SGCZ: variants seen among roughly 807,000 people sequenced by gnomAD.
SGCZ encodes the protein sarcoglycan zeta.
Under a neutral mutation model 41.3 loss-of-function variants are expected in SGCZ, and 40 were observed. The ratio of observed to expected loss-of-function variants is 0.97; its 90% CI spans 0.75 to 1.26. The LOEUF is 1.26. Among genes scored for constraint, SGCZ ranks in the 50% most tolerant of loss-of-function variants. The probability of loss-of-function intolerance (pLI) is 0.00; values close to 1 mark genes in which losing one functional copy is unlikely to be tolerated. For missense variants in SGCZ, 552 were observed against 369.8 expected (o/e 1.49, Z -4.04); for synonymous variants, 206 against 137.5 (o/e 1.50, Z -3.49).
chr8:15,015,844 T>G (rs1325232560), intron 1 of SGCZ, among the ~76,000 whole-genome samples: 1 of 151,196 alleles, frequency 6.6e-6, no homozygotes, highest in Non-Finnish European at 1.5e-5. Context: ...TTTATTAAAA[T>G]TCTTACTTGC....
chr8:14,778,440 T>C (rs1021009622), intron 1 of SGCZ, among the ~76,000 whole-genome samples: 1 of 152,154 alleles, frequency 6.6e-6, no homozygotes, highest in Non-Finnish European at 1.5e-5. Context: ...AAACAGTCCA[T>C]AGTTTTCATC....
intron 1 of SGCZ, among the ~76,000 whole-genome samples, chr8:14,961,404 C>T (rs1435223085): frequency 6.6e-6 from 1 of 152,060 alleles, no homozygotes; most frequent in Non-Finnish European, 1.5e-5. Context: ...ATGTGTATTA[C>T]AGTAGATTCT....
At chr8:15,166,547 C>A (rs1346063685) in intron 1 of SGCZ, among the ~76,000 whole-genome samples, 1 of 152,018 alleles carries the variant, frequency 6.6e-6, no homozygotes, top group Non-Finnish European at 1.5e-5. Flanking sequence ...CACGCCTGGC[C>A]GATGCACAAC....
chr8:14,466,463 T>A (rs534646522), intron 2 of SGCZ, among the ~76,000 whole-genome samples: 1 of 151,992 alleles, frequency 6.6e-6, no homozygotes, highest in African/African-American at 2.4e-5. Context: ...TCTTTTAGTT[T>A]ATTATACTTG....
chr8:14,899,807 A>G (rs1009341335), intron 1 of SGCZ, among the ~76,000 whole-genome samples: 1 of 151,950 alleles, frequency 6.6e-6, no homozygotes, highest in African/African-American at 2.4e-5. Flanking sequence ...GAAGGGAGAA[A>G]AGTGAAAAGA....
At chr8:15,015,913 T>C (rs1803015124) in intron 1 of SGCZ, among the ~76,000 whole-genome samples, 1 of 151,950 alleles carries the variant, frequency 6.6e-6, no homozygotes, top group Non-Finnish European at 1.5e-5. Flanking sequence ...TGCTTCCATA[T>C]CTCCTTTTTC....
intron 2 of SGCZ, among the ~76,000 whole-genome samples, chr8:14,354,680 C>T (rs1388099278): frequency 6.6e-6 from 1 of 151,658 alleles, no homozygotes; most frequent in African/African-American, 2.4e-5. Context: ...TACACACACA[C>T]ACTCAGAGAC....
At chr8:14,341,107 T>C (rs1285747771) in intron 2 of SGCZ, among the ~76,000 whole-genome samples, 1 of 152,210 alleles carries the variant, frequency 6.6e-6, no homozygotes, top group Non-Finnish European at 1.5e-5. Flanking sequence ...TGTCAAAATT[T>C]CCTTCCTTTT....
At chr8:15,090,927 G>A (rs1455556534) in intron 1 of SGCZ, among the ~76,000 whole-genome samples, 1 of 152,150 alleles carries the variant, frequency 6.6e-6, no homozygotes, top group African/African-American at 2.4e-5. Context: ...TTTATTGAGG[G>A]TGACAAGTGA....
At chr8:15,023,696 C>T (rs1045788082) in intron 1 of SGCZ, among the ~76,000 whole-genome samples, 1 of 152,060 alleles carries the variant, frequency 6.6e-6, no homozygotes, top group African/African-American at 2.4e-5. Context: ...AAAGTTATCC[C>T]ATGCCATGGA....
At chr8:14,100,995 G>A (rs905900220) in intron 7 of SGCZ, among the ~76,000 whole-genome samples, 1 of 152,116 alleles carries the variant, frequency 6.6e-6, no homozygotes, top group South Asian at 2.1e-4. Flanking sequence ...GATTTACACT[G>A]TCAAGAACTT....
intron 5 of SGCZ, among the ~76,000 whole-genome samples, chr8:14,113,808 T>C (rs1802443723): frequency 1.3e-5 from 2 of 152,022 alleles, no homozygotes; most frequent in Non-Finnish European, 2.9e-5. Context: ...CAAGCCCAGA[T>C]TTCTTAGGAT....
intron 1 of SGCZ, among the ~76,000 whole-genome samples, chr8:15,054,771 G>A (rs1230772725): frequency 5.3e-5 from 8 of 151,648 alleles, no homozygotes; most frequent in African/African-American, 1.5e-4. Flanking sequence ...TGGCTAACAC[G>A]GTGAAACCCC....
chr8:14,825,159 G>A (rs983290887), intron 1 of SGCZ, among the ~76,000 whole-genome samples: 33 of 152,086 alleles, frequency 2.2e-4, no homozygotes, highest in Admixed American at 1.9e-3. Context: ...TTCATGGAGC[G>A]CTGTGAATTA....
rs193235770 is a variant in SGCZ, at chr8:14,960,450, C to T, written c.39+277135G>A. ...ATGCAATGATTCAAATGAAATTTTGCCAGTCAGATTTTCATAGGCTAGAGG... is the reference window on the plus strand; with the variant it reads ...ATGCAATGATTCAAATGAAATTTTGTCAGTCAGATTTTCATAGGCTAGAGG... On this transcript the variant is annotated intron_variant, in intron 1 of 7. Coordinates refer to ENST00000382080, the MANE Select transcript of SGCZ (RefSeq NM_139167.4). 2.6e-4 allele frequency among the ~76,000 whole-genome samples: 40 copies of T among 152,072 alleles called. No individual in the cohort carries two copies. In the East Asian group the frequency reaches 6.8e-3, roughly 26 times the overall value.
intron 4 of SGCZ, among the ~76,000 whole-genome samples, chr8:14,179,953 C>G (rs148531011): frequency 1.3e-5 from 2 of 152,234 alleles, no homozygotes; most frequent in East Asian, 3.9e-4. Context: ...TGAAACCGGC[C>G]CAAGCACTAG....
chr8:15,027,476 G>T (rs911005136), intron 1 of SGCZ, among the ~76,000 whole-genome samples: 2 of 151,990 alleles, frequency 1.3e-5, no homozygotes, highest in African/African-American at 4.8e-5. Context: ...CCATAACACA[G>T]GTTATATTGA....
At chr8:14,387,450 A>T (rs1217893136) in intron 2 of SGCZ, among the ~76,000 whole-genome samples, 6 of 152,224 alleles carry the variant, frequency 3.9e-5, no homozygotes, top group Non-Finnish European at 7.3e-5. Flanking sequence ...TGTCAAAAAT[A>T]TTACTATATT....
At chr8:14,656,347 TCTC>T (rs1207232717) in intron 1 of SGCZ, among the ~76,000 whole-genome samples, 1 of 150,564 alleles carries the variant, frequency 6.6e-6, no homozygotes, top group East Asian at 2.0e-4. Flanking sequence ...CCCTTCCTTC[TCTC>T]CTTCCTTCTT....
Sources: allele counts gnomAD v4.1 joint callset (sites outside exome capture counted in the v4.1 genomes callset), GRCh38; gene constraint gnomAD v4.1.1; transcripts MANE v1.5; gene names NCBI Gene and HGNC (gene_info 2026-07-23, HGNC 2026-07-21).